APBA2: variants seen among roughly 807,000 people sequenced by gnomAD.
APBA2 encodes the protein amyloid beta precursor protein binding family A member 2, also known as amyloid-beta A4 precursor protein-binding family A member 2.
APBA2 carries 30 observed loss-of-function variants against 75.0 expected under a neutral mutation model. That is an observed-to-expected ratio of 0.40 (90% CI 0.30 to 0.54). The LOEUF (loss-of-function observed/expected upper bound fraction) is 0.54, where lower values mean the gene tolerates loss of function less well. Among genes scored for constraint, APBA2 ranks in the 20% least tolerant of loss-of-function variants. The pLI is 0.49. For synonymous variants in APBA2, 444 were observed against 409.6 expected (o/e 1.08, Z -1.01); for missense variants, 801 against 1,016.1 (o/e 0.79, Z 2.88).
chr15:28,941,941 A>C (rs1386379967), intron 2 of APBA2, among the ~76,000 whole-genome samples: 1 of 151,930 alleles, frequency 6.6e-6, no homozygotes, highest in African/African-American at 2.4e-5. Flanking sequence ...TTGTATTTTT[A>C]GTAGAGACAC....
chr15:29,053,631 T>A (rs1342461087), intron 3 of APBA2, among the ~76,000 whole-genome samples: 1 of 152,194 alleles, frequency 6.6e-6, no homozygotes, highest in East Asian at 1.9e-4. Context: ...TGACTGCTTT[T>A]CCCGGAGCTC....
chr15:29,093,287 A>G (rs2152952222), intron 7 of APBA2, 67 bp downstream of exon 7: 2 of 1,591,174 alleles, frequency 1.3e-6, no homozygotes, highest in South Asian at 2.3e-5. Flanking sequence ...AGGAGGGAAT[A>G]TGGCGGGGCG....
intron 6 of APBA2, among the ~76,000 whole-genome samples, chr15:29,081,705 A>G (rs1381470060): frequency 6.6e-6 from 1 of 152,222 alleles, no homozygotes; most frequent in African/African-American, 2.4e-5. Context: ...CTTTCTTGCT[A>G]GATCTTGGAA....
At chr15:29,082,557 A>G (rs1005047848) in intron 6 of APBA2, among the ~76,000 whole-genome samples, 1 of 152,040 alleles carries the variant, frequency 6.6e-6, no homozygotes, top group African/African-American at 2.4e-5. Flanking sequence ...ATTGATTTGT[A>G]TTATTCTTTA....
At chr15:29,071,084 C>T (rs1460333130) in intron 4 of APBA2, 1 of 456,640 alleles carries the variant, frequency 2.2e-6, no homozygotes, top group South Asian at 1.5e-5. Context: ...ACTATGTTGA[C>T]GATGGCCTGA....
At chr15:29,109,932 C>T (rs201038091) in intron 13 of APBA2, among the ~76,000 whole-genome samples, 1 of 151,024 alleles carries the variant, frequency 6.6e-6, no homozygotes, top group Non-Finnish European at 1.5e-5. Flanking sequence ...GTTGTCTGCA[C>T]CCCACTTGGG....
chr15:28,986,124 G>T (rs1045998027), intron 2 of APBA2, among the ~76,000 whole-genome samples: 3 of 152,162 alleles, frequency 2.0e-5, no homozygotes, highest in Non-Finnish European at 2.9e-5. Context: ...AATTCCCGGC[G>T]GCTCTCCAGC....
chr15:28,953,498 A>G (rs915170470), intron 2 of APBA2, among the ~76,000 whole-genome samples: 1 of 150,584 alleles, frequency 6.6e-6, no homozygotes, highest in East Asian at 2.0e-4. Flanking sequence ...GGCTTTCTCC[A>G]TTTCCTCCCT....
intron 2 of APBA2, among the ~76,000 whole-genome samples, chr15:28,957,503 C>T (rs1223253422): frequency 6.6e-6 from 1 of 152,232 alleles, no homozygotes; most frequent in Admixed American, 6.5e-5. Context: ...CACCATTTTA[C>T]ATTCCTACCC....
At chr15:28,933,868 G>A (rs537637788) in intron 2 of APBA2, among the ~76,000 whole-genome samples, 1 of 152,228 alleles carries the variant, frequency 6.6e-6, no homozygotes, top group Admixed American at 6.5e-5. Flanking sequence ...TGGAGCGCAA[G>A]GAGGGGCTGC....
At chr15:29,024,591 G>A (rs1392882279) in intron 3 of APBA2, among the ~76,000 whole-genome samples, 1 of 152,124 alleles carries the variant, frequency 6.6e-6, no homozygotes, top group African/African-American at 2.4e-5. Context: ...TTGCTTTCTG[G>A]GCTAGCATTT....
intron 2 of APBA2, among the ~76,000 whole-genome samples, chr15:28,928,677 G>T (rs1444704477): frequency 2.0e-5 from 3 of 152,146 alleles, no homozygotes; most frequent in Non-Finnish European, 4.4e-5. Flanking sequence ...TCCCTGCGGG[G>T]AGCAGGCCTT....
At chr15:28,921,784 A>G (rs2033982843) in intron 2 of APBA2, 35 bp downstream of exon 2, 1 of 152,074 alleles carries the variant, frequency 6.6e-6, no homozygotes, top group African/African-American at 2.4e-5. Context: ...CACTGCACTT[A>G]ATGTGGCATT....
rs899413568 is a variant in APBA2, at chr15:29,075,066, G to A, written c.1032+65G>A. 6 of 1,177,258 alleles carry A rather than the reference G, an allele frequency of 5.1e-6. No homozygotes were observed. The Admixed American group carries it at 7.5e-5, about 15-fold the overall frequency. 72.9% of individuals were successfully genotyped at this position (1,177,258 alleles called of 1,614,324 possible). On this transcript the variant is annotated intron_variant, in intron 5 of 14. Transcript: ENST00000683413. ...TCATCTAATGATGGAGTGGCCCACC[G>A]AGTTGTGGTCTGCTCACTTTGTCCA...
chr15:29,000,765 G>A (rs554548660), intron 3 of APBA2, among the ~76,000 whole-genome samples: 13 of 152,116 alleles, frequency 8.5e-5, no homozygotes, highest in African/African-American at 2.7e-4. Context: ...TTATTTTTAT[G>A]TATTGTTTTT....
At chr15:29,115,518 C>T (rs1193844428) in intron 14 of APBA2, among the ~76,000 whole-genome samples, 1 of 152,142 alleles carries the variant, frequency 6.6e-6, no homozygotes, top group African/African-American at 2.4e-5. Flanking sequence ...CCAGCAGCCC[C>T]ACACCTGTGA....
intron 1 of APBA2, among the ~76,000 whole-genome samples, chr15:28,909,578 C>T (rs1005945061): frequency 1.3e-5 from 2 of 152,128 alleles, no homozygotes; most frequent in Non-Finnish European, 2.9e-5. Flanking sequence ...TGATCTTGGT[C>T]GCCTCTGTGA....
chr15:28,906,208 T>A (rs1178201272), intron 1 of APBA2, among the ~76,000 whole-genome samples: 1 of 152,174 alleles, frequency 6.6e-6, no homozygotes. Context: ...AAAAATTTAC[T>A]TTAAGTTCTG....
intron 1 of APBA2, among the ~76,000 whole-genome samples, chr15:28,891,352 C>A (rs2032117175): frequency 6.6e-6 from 1 of 152,126 alleles, no homozygotes; most frequent in African/African-American, 2.4e-5. Flanking sequence ...GTGTGAGGCC[C>A]ATGTTTTCTC....
Sources: gnomAD v4.1 joint callset for allele counts (sites outside exome capture counted in the v4.1 genomes callset) on GRCh38, gnomAD v4.1.1 for gene constraint, MANE v1.5 for transcripts, NCBI Gene and HGNC (gene_info 2026-07-23, HGNC 2026-07-21) for gene names.